Variants in ASTN2 observed in about 807,000 individuals in gnomAD.
ASTN2 encodes the protein astrotactin 2, also known as astrotactin-2.
ASTN2 carries 54 observed loss-of-function variants against 139.8 expected under a neutral mutation model. The observed-to-expected ratio is 0.39, with a 90% CI of 0.31 to 0.48. The LOEUF (loss-of-function observed/expected upper bound fraction) is 0.48, where lower values mean the gene tolerates loss of function less well. Ranked by LOEUF, ASTN2 falls within the 20% of genes least tolerant of loss-of-function variation. ASTN2 has a pLI of 0.95. For missense variants in ASTN2, 1,565 were observed against 1,725.1 expected (o/e 0.91, Z 1.64); for synonymous variants, 756 against 719.5 (o/e 1.05, Z -0.81).
chr9:116,788,976 A>C (rs1049338103), intron 13 of ASTN2, among the ~76,000 whole-genome samples: 1 of 152,182 alleles, frequency 6.6e-6, no homozygotes, highest in African/African-American at 2.4e-5. Flanking sequence ...ATTTAATTGC[A>C]ATTTAGCTTA....
At chr9:116,614,251 T>C (rs1157929365) in intron 19 of ASTN2, among the ~76,000 whole-genome samples, 1 of 152,210 alleles carries the variant, frequency 6.6e-6, no homozygotes, top group Non-Finnish European at 1.5e-5. Context: ...GAACATTCCA[T>C]GCTCATGGAT....
At chr9:116,450,552 C>A (rs1848143078) in intron 20 of ASTN2, among the ~76,000 whole-genome samples, 1 of 152,158 alleles carries the variant, frequency 6.6e-6, no homozygotes, top group East Asian at 1.9e-4. Flanking sequence ...GTAAGTCCCA[C>A]CATGCTCTGC....
intron 5 of ASTN2, among the ~76,000 whole-genome samples, chr9:117,081,860 A>C (rs1828437591): frequency 6.6e-6 from 1 of 152,204 alleles, no homozygotes; most frequent in Non-Finnish European, 1.5e-5. Flanking sequence ...TCATACAGCT[A>C]CAAGGAAATG....
chr9:116,583,835 C>T (rs908779094), intron 19 of ASTN2: 3 of 152,180 alleles, frequency 2.0e-5, no homozygotes, highest in African/African-American at 7.2e-5. Flanking sequence ...CATGAATTTA[C>T]ATCAGAGAGT....
intron 16 of ASTN2, among the ~76,000 whole-genome samples, chr9:116,660,096 T>C (rs1419061069): frequency 6.6e-6 from 1 of 151,926 alleles, no homozygotes; most frequent in African/African-American, 2.4e-5. Flanking sequence ...CATTGTTGGG[T>C]GGCTTCTGAG....
chr9:116,492,192 C>T (rs1849537884), intron 19 of ASTN2, among the ~76,000 whole-genome samples: 1 of 151,924 alleles, frequency 6.6e-6, no homozygotes, highest in South Asian at 2.1e-4. Flanking sequence ...AGCAACTCTC[C>T]TGCCTCAGCC....
intron 19 of ASTN2, among the ~76,000 whole-genome samples, chr9:116,498,158 A>C (rs1849728978): frequency 6.6e-6 from 1 of 152,218 alleles, no homozygotes; most frequent in Non-Finnish European, 1.5e-5. Flanking sequence ...CCAAACACAC[A>C]GCTACTACCC....
At chr9:117,086,683 C>G (rs1352734093) in intron 5 of ASTN2, among the ~76,000 whole-genome samples, 2 of 152,168 alleles carry the variant, frequency 1.3e-5, no homozygotes, top group African/African-American at 4.8e-5. Flanking sequence ...AGCGCTTTCT[C>G]CCCTGGCTTT....
chr9:116,867,196 G>A (rs1160205724), intron 10 of ASTN2, among the ~76,000 whole-genome samples: 1 of 151,922 alleles, frequency 6.6e-6, no homozygotes, highest in Non-Finnish European at 1.5e-5. Flanking sequence ...GAGAAACAGA[G>A]GCATAAGAAA....
intron 19 of ASTN2, chr9:116,540,464 G>A (rs1160828944): frequency 6.6e-6 from 1 of 152,218 alleles, no homozygotes; most frequent in Non-Finnish European, 1.5e-5. Flanking sequence ...GAAGATGCAT[G>A]GAATAACACG....
At position 117,095,173 on chromosome 9, in the gene ASTN2, A is replaced by G. The variant is rs112224586; in HGVS notation, c.1276+871T>C. 2.3e-3 allele frequency among the ~76,000 whole-genome samples: 356 copies of G among 152,282 alleles called. 3 individuals carry two copies. The highest frequency in any genetic ancestry group is 8.1e-3 in the African/African-American group (337 of 41,564). On this transcript the variant is annotated intron_variant, in intron 5 of 22. Transcript: ENST00000313400. Reference sequence around the variant, plus strand: ...AAGCCCATGGATGGATCTGCCCTTTATCACTGGCATGGAATCCATGTTTGT... The same window carrying G: ...AAGCCCATGGATGGATCTGCCCTTTGTCACTGGCATGGAATCCATGTTTGT...
intron 5 of ASTN2, among the ~76,000 whole-genome samples, chr9:117,067,325 G>A (rs202166285): frequency 0.055 from 7,402 of 134,648 alleles, 133 homozygotes; most frequent in East Asian, 0.15. Flanking sequence ...GTAGGTATGC[G>A]GCATTATTTC....
chr9:116,903,124 G>A (rs1360646708), intron 10 of ASTN2, among the ~76,000 whole-genome samples: 1 of 151,812 alleles, frequency 6.6e-6, no homozygotes, highest in Non-Finnish European at 1.5e-5. Context: ...CTTTTTATTT[G>A]CCCAAATACT....
At chr9:116,499,100 TCA>T in intron 19 of ASTN2, among the ~76,000 whole-genome samples, 1 of 152,328 alleles carries the variant, frequency 6.6e-6, no homozygotes, top group South Asian at 2.1e-4. Flanking sequence ...CTGCCCACTC[TCA>T]GTTATGCCCC....
At chr9:116,615,722 T>C (rs1295570516) in intron 19 of ASTN2, among the ~76,000 whole-genome samples, 1 of 113,118 alleles carries the variant, frequency 8.8e-6, no homozygotes, top group Non-Finnish European at 1.8e-5. Flanking sequence ...CCAGGGCCTG[T>C]CATGGGGTGG....
chr9:117,303,881 A>C (rs781089905), intron 1 of ASTN2, among the ~76,000 whole-genome samples: 36 of 152,206 alleles, frequency 2.4e-4, no homozygotes, highest in Non-Finnish European at 4.7e-4. Flanking sequence ...ACACACTCAG[A>C]GATTTGAAAA....
intron 22 of ASTN2, among the ~76,000 whole-genome samples, chr9:116,433,257 A>G (rs1847551999): frequency 1.3e-5 from 2 of 152,268 alleles, no homozygotes; most frequent in South Asian, 4.1e-4. Context: ...TCAAAAAAAT[A>G]AAACATTTAC....
Position 117,222,831 on chromosome 9 carries a change from T to C in ASTN2, c.631-8089A>G, listed in dbSNP as rs551512097. Among the ~76,000 whole-genome samples, 19 of 152,106 alleles carry C rather than the reference T, an allele frequency of 1.2e-4. 2 individuals carry two copies. Among genetic ancestry groups the C allele is most frequent in the African/African-American group, 4.6e-4 (19 of 41,476 alleles). On this transcript the variant is annotated intron_variant, in intron 2 of 22. Coordinates refer to ENST00000313400, the MANE Select transcript of ASTN2 (RefSeq NM_001365068.1). ...TACCTTGTATTAGAGTTGTTGATGC[T>C]CTTTACTTAGCTGCCCTACAGGTTA...
At chr9:116,763,833 G>C (rs1410699008) in intron 13 of ASTN2, among the ~76,000 whole-genome samples, 1 of 152,094 alleles carries the variant, frequency 6.6e-6, no homozygotes, top group Non-Finnish European at 1.5e-5. Flanking sequence ...TCTTTTTTCT[G>C]CAACATGCAA....
Sources: gnomAD v4.1 joint callset for allele counts (sites outside exome capture counted in the v4.1 genomes callset) on GRCh38, gnomAD v4.1.1 for gene constraint, MANE v1.5 for transcripts, NCBI Gene and HGNC (gene_info 2026-07-23, HGNC 2026-07-21) for gene names.